Variants in MRTFA observed in about 807,000 individuals in gnomAD.
The protein encoded by MRTFA is myocardin related transcription factor A, also known as myocardin-related transcription factor A.
MRTFA carries 20 observed loss-of-function variants against 83.5 expected under a neutral mutation model. The ratio of observed to expected loss-of-function variants is 0.24; its 90% CI spans 0.17 to 0.35. MRTFA has a LOEUF of 0.35. MRTFA is among the 10% of genes least tolerant of loss of function. The pLI is 1.00. For missense variants in MRTFA, 1,200 were observed against 1,224.7 expected, an observed-to-expected ratio of 0.98 and a Z score of 0.30; for synonymous variants, 659 against 541.2, an observed-to-expected ratio of 1.22 and a Z score of -3.02.
At chr22:40,454,601 A>G (rs1026605161) in intron 4 of MRTFA, among the ~76,000 whole-genome samples, 4 of 152,174 alleles carry the variant, frequency 2.6e-5, no homozygotes, top group Non-Finnish European at 5.9e-5. Context: ...TTGATCTCCA[A>G]ACTCACTCTG....
At chr22:40,428,188 A>C (rs999687360) in intron 7 of MRTFA, among the ~76,000 whole-genome samples, 1 of 152,202 alleles carries the variant, frequency 6.6e-6, no homozygotes, top group Non-Finnish European at 1.5e-5. Flanking sequence ...GTTGGTTAAA[A>C]GCAAATGTAA....
intron 4 of MRTFA, among the ~76,000 whole-genome samples, chr22:40,458,988 T>C (rs1425915228): frequency 1.3e-5 from 2 of 151,370 alleles, no homozygotes; most frequent in East Asian, 3.9e-4. Context: ...GGCGAGATAA[T>C]TGCTTGAACC....
intron 3 of MRTFA, among the ~76,000 whole-genome samples, chr22:40,544,066 T>C (rs565729484): frequency 6.6e-6 from 1 of 152,118 alleles, no homozygotes; most frequent in Non-Finnish European, 1.5e-5. Flanking sequence ...CTCTGTTGAT[T>C]AGTGGGGAAA....
chr22:40,569,849 C>T (rs1046962947), intron 2 of MRTFA: 1 of 153,140 alleles, frequency 6.5e-6, no homozygotes, highest in African/African-American at 2.4e-5. Flanking sequence ...ATACCCTGGG[C>T]CTCAGCCTGG....
At chr22:40,596,153 T>C (rs576686312) in intron 1 of MRTFA, among the ~76,000 whole-genome samples, 1 of 152,062 alleles carries the variant, frequency 6.6e-6, no homozygotes, top group South Asian at 2.1e-4. Flanking sequence ...AATGTTCTCT[T>C]TTCCCTGGCG....
chr22:40,636,069 G>A (rs1456986219), intron 1 of MRTFA, among the ~76,000 whole-genome samples: 5 of 152,206 alleles, frequency 3.3e-5, no homozygotes, highest in Non-Finnish European at 5.9e-5. Context: ...CTCCTTGCCT[G>A]GGAATCCCAA....
intron 3 of MRTFA, among the ~76,000 whole-genome samples, chr22:40,549,431 A>C (rs957726053): frequency 2.0e-5 from 3 of 152,226 alleles, no homozygotes; most frequent in African/African-American, 7.2e-5. Flanking sequence ...AATTCAACAT[A>C]AACAAATTTC....
chr22:40,471,595 A>C (rs2053915554), intron 3 of MRTFA, among the ~76,000 whole-genome samples: 1 of 152,230 alleles, frequency 6.6e-6, no homozygotes, highest in Non-Finnish European at 1.5e-5. Context: ...CTTAAGAATT[A>C]ATACTGGCTG....
At chr22:40,571,688 G>C (rs1256562873) in intron 2 of MRTFA, among the ~76,000 whole-genome samples, 1 of 151,770 alleles carries the variant, frequency 6.6e-6, no homozygotes, top group Non-Finnish European at 1.5e-5. Context: ...AGAGGCCGAG[G>C]TAAGTCGATC....
chr22:40,539,310 T>C (rs1242962497), intron 3 of MRTFA, among the ~76,000 whole-genome samples: 5 of 151,598 alleles, frequency 3.3e-5, no homozygotes, highest in Non-Finnish European at 5.9e-5. Flanking sequence ...TAGTTTTAAG[T>C]TGTTTAACAG....
intron 4 of MRTFA, among the ~76,000 whole-genome samples, chr22:40,438,063 T>A (rs1432143448): frequency 2.0e-5 from 3 of 152,150 alleles, no homozygotes; most frequent in Non-Finnish European, 2.9e-5. Flanking sequence ...GAATTCTGGT[T>A]CTCAACCGGG....
At chr22:40,511,652 A>G (rs1796417908) in intron 3 of MRTFA, among the ~76,000 whole-genome samples, 1 of 152,216 alleles carries the variant, frequency 6.6e-6, no homozygotes, top group South Asian at 2.1e-4. Context: ...TCCTATGTAG[A>G]TCTTTGAATA....
intron 3 of MRTFA, among the ~76,000 whole-genome samples, chr22:40,534,540 G>C (rs773394980): frequency 5.3e-5 from 8 of 152,046 alleles, no homozygotes; most frequent in Non-Finnish European, 1.0e-4. Flanking sequence ...CTGCAACCTC[G>C]ACCTTCCAGG....
chr22:40,548,858 G>A (rs993730943), intron 3 of MRTFA, among the ~76,000 whole-genome samples: 1 of 149,802 alleles, frequency 6.7e-6, no homozygotes, highest in East Asian at 2.0e-4. Context: ...GTGAGACTCT[G>A]TCTCAAAAAT....
chr22:40,415,011 C>G (rs1433330076), intron 14 of MRTFA: 1 of 152,360 alleles, frequency 6.6e-6, no homozygotes, highest in Non-Finnish European at 1.5e-5. Flanking sequence ...GCCTGCCCAG[C>G]TGCCACCACC....
intron 2 of MRTFA, among the ~76,000 whole-genome samples, chr22:40,575,093 G>C (rs1164008944): frequency 6.6e-6 from 1 of 152,182 alleles, no homozygotes; most frequent in Non-Finnish European, 1.5e-5. Flanking sequence ...CTGCCATTTA[G>C]GTGATGAGAG....
intron 3 of MRTFA, among the ~76,000 whole-genome samples, chr22:40,518,726 C>T (rs948137962): frequency 2.3e-4 from 31 of 134,434 alleles, no homozygotes; most frequent in African/African-American, 8.6e-4. Flanking sequence ...ACCCAGGATG[C>T]GTAGGTTGCA....
intron 2 of MRTFA, among the ~76,000 whole-genome samples, chr22:40,590,836 AAAAT>A (rs937934382): frequency 2.4e-4 from 37 of 152,034 alleles, no homozygotes; most frequent in African/African-American, 7.7e-4. Flanking sequence ...ATTCCCTTTA[AAAAT>A]AAATAAATAG....
intron 2 of MRTFA, among the ~76,000 whole-genome samples, chr22:40,588,975 C>T (rs887222171): frequency 8.6e-5 from 13 of 151,938 alleles, no homozygotes; most frequent in African/African-American, 3.1e-4. Context: ...AGAGTAAGAC[C>T]TTGTCTCAGG....
Sources: allele counts gnomAD v4.1 joint callset (sites outside exome capture counted in the v4.1 genomes callset), GRCh38; gene constraint gnomAD v4.1.1; transcripts MANE v1.5; gene names NCBI Gene and HGNC (gene_info 2026-07-23, HGNC 2026-07-21).